Variants in ZMYND11 observed in about 807,000 individuals in gnomAD.
The protein encoded by ZMYND11 is zinc finger MYND domain-containing protein 11.
In ZMYND11, 9 loss-of-function variants were observed where a neutral mutation model predicts 84.9. That is an observed-to-expected ratio of 0.11 (90% CI 0.06 to 0.18). The LOEUF is 0.18. Among genes scored for constraint, ZMYND11 ranks in the 10% least tolerant of loss-of-function variants. ZMYND11 has a pLI of 1.00. For missense variants in ZMYND11, 409 were observed against 761.0 expected, an observed-to-expected ratio of 0.54 and a Z score of 5.44; for synonymous variants, 250 against 244.1, an observed-to-expected ratio of 1.02 and a Z score of -0.23.
chr10:140,209 A>C (rs1415070143), intron 1 of ZMYND11, among the ~76,000 whole-genome samples: 3 of 152,228 alleles, frequency 2.0e-5, no homozygotes, highest in Non-Finnish European at 4.4e-5. Flanking sequence ...TCTCTGGGAT[A>C]AGAGGTCAAT....
At chr10:247,151 A>G (rs1045815693) in intron 11 of ZMYND11, among the ~76,000 whole-genome samples, 178 bp downstream of exon 11, 34 of 152,234 alleles carry the variant, frequency 2.2e-4, no homozygotes, top group Admixed American at 2.0e-3. Flanking sequence ...AGATGTAACA[A>G]TCAATGACCT....
At chr10:247,994 T>A (rs1437007668) in intron 12 of ZMYND11, among the ~76,000 whole-genome samples, 1 of 152,214 alleles carries the variant, frequency 6.6e-6, no homozygotes, top group Non-Finnish European at 1.5e-5. Flanking sequence ...GAAGTAATTA[T>A]AAGTTGACAA....
intron 4 of ZMYND11, among the ~76,000 whole-genome samples, chr10:235,670 C>G (rs903967581): frequency 1.3e-5 from 2 of 152,152 alleles, no homozygotes; most frequent in African/African-American, 4.8e-5. Flanking sequence ...AAGAACTGCT[C>G]TGTAATTGGC....
At position 248,999 on chromosome 10, in the gene ZMYND11, G is replaced by C; in HGVS notation, c.1597G>C (p.Glu533Gln). Reference sequence around the variant, plus strand: ...GGACAGAAAATGTAAGCAAGTAAAGGAAAAGTGTAAGGAAGAATTTGTAGA... The same window carrying C: ...GGACAGAAAATGTAAGCAAGTAAAGCAAAAGTGTAAGGAAGAATTTGTAGA... Reference protein sequence around the residue: ...EMDRKCKQVKEKCKEEFVEEI... With the variant: ...EMDRKCKQVKQKCKEEFVEEI... The change falls in exon 14 of 15, where the codon GAA becomes CAA. Residue 533 changes from glutamate to glutamine, a missense_variant. By Grantham distance (29) the Glu-to-Gln change is conservative (BLOSUM62 2). Coordinates refer to ENST00000381604, the MANE Select transcript of ZMYND11 (RefSeq NM_001370100.5). 6.2e-7 allele frequency: 1 copy of C among 1,614,198 alleles called. No individual in the cohort carries two copies. Among genetic ancestry groups the C allele is most frequent in the Non-Finnish European group, 8.5e-7 (1 of 1,180,024 alleles).
rs1033194643 is a variant in ZMYND11 at position 252,758 on chromosome 10, T to C, written c.*288T>C. On this transcript the variant is annotated 3_prime_UTR_variant, in exon 15 of 15. Coordinates refer to ENST00000381604, the MANE Select transcript of ZMYND11 (RefSeq NM_001370100.5). The surrounding 1 kb of genome is among the most constrained non-coding windows in gnomAD (Gnocchi z 4.6). The stretch of plus-strand genomic sequence containing the variant: ...AAAACATTTTTAGGTTTTACAGAGA[T>C]TTTAACCTTTAAACAACAGATCTTT... 2 of 265,640 alleles carry C rather than the reference T, an allele frequency of 7.5e-6. No homozygotes were observed. Among genetic ancestry groups the C allele is most frequent in the Non-Finnish European group, 1.4e-5 (2 of 139,932 alleles). 16.5% of individuals were successfully genotyped at this position (265,640 alleles called of 1,614,324 possible). A position where few individuals can be genotyped will look rare whatever the true frequency, so the allele number is the denominator to read the frequency against.
At chr10:223,595 C>T (rs1589073922) in intron 4 of ZMYND11, among the ~76,000 whole-genome samples, 1 of 152,178 alleles carries the variant, frequency 6.6e-6, no homozygotes, top group South Asian at 2.1e-4. Flanking sequence ...ACCCTGTTTT[C>T]TAGGGTGAGG....
chr10:226,099 G>A (rs1176233253), intron 4 of ZMYND11, among the ~76,000 whole-genome samples: 1 of 152,140 alleles, frequency 6.6e-6, no homozygotes, highest in Non-Finnish European at 1.5e-5. Context: ...ACCACTCCAA[G>A]AAAGCATCTT....
upstream of ZMYND11, among the ~76,000 whole-genome samples, chr10:130,893 A>G (rs887188439): frequency 5.5e-4 from 84 of 152,186 alleles, no homozygotes; most frequent in African/African-American, 1.9e-3. Flanking sequence ...CAAGATGGGC[A>G]GATCACTTGA....
chr10:230,831 T>A (rs1044301698), intron 4 of ZMYND11, among the ~76,000 whole-genome samples: 2 of 152,170 alleles, frequency 1.3e-5, no homozygotes, highest in Non-Finnish European at 2.9e-5. Context: ...AAGCCAGTAA[T>A]GAGTGGCACC....
chr10:144,742 A>AAT (rs1564259094), intron 1 of ZMYND11, among the ~76,000 whole-genome samples: 1 of 145,592 alleles, frequency 6.9e-6, no homozygotes, highest in Non-Finnish European at 1.5e-5. Context: ...ATATATATAT[A>AAT]ATATATATAT....
upstream of ZMYND11, chr10:134,384 A>G (rs1057205032): frequency 6.6e-6 from 1 of 152,238 alleles, no homozygotes; most frequent in African/African-American, 2.4e-5. Flanking sequence ...AAGTATGCTT[A>G]TCTCCGAACC....
intron 1 of ZMYND11, among the ~76,000 whole-genome samples, chr10:177,115 C>G (rs1846813271): frequency 6.6e-6 from 1 of 152,072 alleles, no homozygotes; most frequent in Non-Finnish European, 1.5e-5. Flanking sequence ...TTGCTATATC[C>G]CTAGAGCATA....
chr10:138,302 G>A (rs967600314), intron 1 of ZMYND11, among the ~76,000 whole-genome samples: 2 of 151,516 alleles, frequency 1.3e-5, no homozygotes, highest in East Asian at 1.9e-4. Context: ...GTAGGGGGCC[G>A]GGGTGGGGGT....
At chr10:150,068 A>G (rs1449827739) in intron 1 of ZMYND11, among the ~76,000 whole-genome samples, 1 of 152,148 alleles carries the variant, frequency 6.6e-6, no homozygotes, top group Non-Finnish European at 1.5e-5. Context: ...TTGGTCTAAA[A>G]TTCTCTTTTT....
At position 240,941 on chromosome 10, in the gene ZMYND11, C is replaced by T; in HGVS notation, c.802C>T (p.Arg268Cys). Residue 268 changes from arginine (R) to cysteine (C), a missense_variant, in exon 9 of 15, where the codon CGT (arginine) becomes TGT (cysteine). Arg to Cys is a radical substitution (Grantham distance 180). Coordinates refer to ENST00000381604, the MANE Select transcript of ZMYND11 (RefSeq NM_001370100.5). Reference protein sequence around the residue: ...CKNCFYLSNARPDNWFCYPCI... With the variant: ...CKNCFYLSNACPDNWFCYPCI... Reference sequence around the variant, plus strand: ...GAATTGCTTTTACTTGTCAAATGCTCGTCCTGACAACTGGTTCTGTTATCC... The same window carrying T: ...GAATTGCTTTTACTTGTCAAATGCTTGTCCTGACAACTGGTTCTGTTATCC... 2 of 1,613,864 alleles carry T rather than the reference C, an allele frequency of 1.2e-6. No individual in the cohort carries two copies. Among genetic ancestry groups the T allele is most frequent in the Non-Finnish European group, 1.7e-6 (2 of 1,179,934 alleles).
intron 4 of ZMYND11, among the ~76,000 whole-genome samples, chr10:230,542 G>A (rs997640212): frequency 4.6e-5 from 7 of 151,308 alleles, no homozygotes; most frequent in Non-Finnish European, 1.0e-4. Flanking sequence ...GCTCTGGGGG[G>A]TAAGGCTCAG....
Position 252,577 on chromosome 10 carries a change from G to C in ZMYND11, c.*107G>C, listed in dbSNP as rs1589335326. On this transcript the variant is annotated 3_prime_UTR_variant, in exon 15 of 15. Coordinates refer to ENST00000381604, the MANE Select transcript of ZMYND11 (RefSeq NM_001370100.5). This position sits in a 1 kb window ranked among gnomAD's most constrained non-coding sequence, Gnocchi z 4.6. ...AGAATTTGCTTCCCATTTTGCACCA[G>C]CCTTTAAACACTTTTCGTGAAGAAA... The C allele has an allele frequency of 1.4e-6, 2 of 1,452,428 alleles. No individual in the cohort carries two copies. Among genetic ancestry groups the C allele is most frequent in the Non-Finnish European group, 9.1e-7 (1 of 1,099,680 alleles). 90.0% of individuals were successfully genotyped at this position (1,452,428 alleles called of 1,614,324 possible).
chr10:172,147 C>T (rs2131646378), intron 1 of ZMYND11, among the ~76,000 whole-genome samples: 1 of 152,308 alleles, frequency 6.6e-6, no homozygotes, highest in East Asian at 1.9e-4. Context: ...GCCCCCATGG[C>T]CCAATCACCT....
chr10:237,758 A>G (rs1239833286), intron 6 of ZMYND11, 81 bp downstream of exon 6: 5 of 1,115,492 alleles, frequency 4.5e-6, no homozygotes, highest in Non-Finnish European at 6.4e-6. Context: ...AGTTAAGCAG[A>G]TTTTGGTTGC....
Sources: gnomAD v4.1 joint callset for allele counts (sites outside exome capture counted in the v4.1 genomes callset) on GRCh38, gnomAD v4.1.1 for gene constraint, Gnocchi (gnomAD v3.1) non-coding constraint, MANE v1.5 for transcripts, NCBI Gene and HGNC (gene_info 2026-07-23, HGNC 2026-07-21) for gene names.